GLRA2: variants seen among roughly 807,000 people sequenced by gnomAD.
GLRA2 encodes the protein glycine receptor subunit alpha-2.
In GLRA2, 11 loss-of-function variants were observed where a neutral mutation model predicts 31.6. That is an observed-to-expected ratio of 0.35 (90% CI 0.22 to 0.58). The LOEUF is 0.58. GLRA2 is among the 20% of genes least tolerant of loss of function. The probability of loss-of-function intolerance (pLI) is 0.84; values close to 1 mark genes in which losing one functional copy is unlikely to be tolerated. For missense variants in GLRA2, 212 were observed against 351.8 expected, an observed-to-expected ratio of 0.60 and a Z score of 3.18; for synonymous variants, 132 against 134.0, an observed-to-expected ratio of 0.99 and a Z score of 0.10.
intron 2 of GLRA2, among the ~76,000 whole-genome samples, chrX:14,558,823 G>A (rs1224819600): frequency 9.1e-6 from 1 of 109,397 alleles, no homozygotes; most frequent in East Asian, 2.9e-4. Context: ...GCTTTGTCTA[G>A]AATTTTTTTT....
At chrX:14,682,433 T>A (rs2091223838) in intron 7 of GLRA2, among the ~76,000 whole-genome samples, 1 of 111,763 alleles carries the variant, frequency 8.9e-6, no homozygotes, top group African/African-American at 3.3e-5. Flanking sequence ...AGTTTTATGT[T>A]CCTTATTAAT....
the GLRA2 span, among the ~76,000 whole-genome samples, chrX:14,485,892 C>G: frequency 8.9e-6 from 1 of 111,831 alleles, no homozygotes; most frequent in Non-Finnish European, 1.9e-5. Context: ...ATGATCTATC[C>G]CTATAGTGCC....
At chrX:14,586,294 C>A (rs1427331551) in intron 4 of GLRA2, among the ~76,000 whole-genome samples, 1 of 112,052 alleles carries the variant, frequency 8.9e-6, no homozygotes, top group Non-Finnish European at 1.9e-5. Flanking sequence ...TGTTAATAAA[C>A]CTTTTATCCA....
At position 14,569,520 on chromosome X, in the gene GLRA2, G is replaced by A. The variant is rs1328260449; in HGVS notation, c.203-4813G>A. Among the ~76,000 whole-genome samples, 3 of 111,806 alleles carry A rather than the reference G, an allele frequency of 2.7e-5. No homozygotes were observed. The East Asian group carries it at 8.4e-4, about 31-fold the overall frequency. On this transcript the variant is annotated intron_variant, in intron 2 of 8. Transcript: ENST00000218075. ...GTAAGTACATGAAAAGATGCTCAATGTCATTACTCATTAGGGGAATGTAAA... is the reference window on the plus strand; with the variant it reads ...GTAAGTACATGAAAAGATGCTCAATATCATTACTCATTAGGGGAATGTAAA...
chrX:14,721,186 A>G lies in GLRA2; in HGVS notation c.1081-9021A>G, dbSNP rs1347814631. Among the ~76,000 whole-genome samples the G allele has an allele frequency of 2.7e-5, 3 of 110,654 alleles. No individual in the cohort carries two copies. The Admixed American group carries it at 2.9e-4, about 11-fold the overall frequency. On this transcript the variant is annotated intron_variant, in intron 8 of 8. Coordinates refer to ENST00000218075, the MANE Select transcript of GLRA2 (RefSeq NM_002063.4). The stretch of plus-strand genomic sequence containing the variant: ...AATTTATAATCCACTTCATTAGACA[A>G]AAGCTATACTCACAAATATTTTCAA...
chrX:14,452,400 C>A, the GLRA2 span, among the ~76,000 whole-genome samples: 1 of 112,530 alleles, frequency 8.9e-6, no homozygotes, highest in African/African-American at 3.2e-5. Context: ...CTTCTCTATC[C>A]ATTTTCATTC....
chrX:14,593,020 G>A (rs752850546), intron 4 of GLRA2, among the ~76,000 whole-genome samples: 2 of 111,636 alleles, frequency 1.8e-5, no homozygotes, highest in South Asian at 3.8e-4. Flanking sequence ...TTCTGGTGAG[G>A]GTGCTCAACT....
At chrX:14,626,487 T>G (rs1188312341) in intron 7 of GLRA2, among the ~76,000 whole-genome samples, 1 of 111,981 alleles carries the variant, frequency 8.9e-6, no homozygotes, top group Non-Finnish European at 1.9e-5. Context: ...AGGAATACTT[T>G]ATAATGGTTC....
chrX:14,625,865 G>C (rs983249207), intron 7 of GLRA2, among the ~76,000 whole-genome samples: 1 of 111,519 alleles, frequency 9.0e-6, no homozygotes, highest in East Asian at 2.8e-4. Flanking sequence ...TCAACCCAAC[G>C]AAGTAGGTAC....
At chrX:14,477,677 T>C in the GLRA2 span, among the ~76,000 whole-genome samples, 609 of 111,646 alleles carry the variant, frequency 5.5e-3, 8 homozygotes, top group African/African-American at 0.019. Flanking sequence ...ACTGGCTATA[T>C]TTATTATCAC....
chrX:14,523,156 C>A, the GLRA2 span, among the ~76,000 whole-genome samples: 1 of 112,272 alleles, frequency 8.9e-6, no homozygotes, highest in African/African-American at 3.2e-5. Flanking sequence ...GTAGCTTCTA[C>A]ATCAGGACTT....
At chrX:14,552,472 T>C (rs1030404318) in intron 2 of GLRA2, among the ~76,000 whole-genome samples, 4 of 112,590 alleles carry the variant, frequency 3.6e-5, no homozygotes, top group African/African-American at 9.7e-5. Context: ...CAGAAGCTAA[T>C]GTTCAGAATC....
At chrX:14,710,148 C>A (rs1481645773) in intron 8 of GLRA2, among the ~76,000 whole-genome samples, 1 of 111,598 alleles carries the variant, frequency 9.0e-6, no homozygotes, top group Non-Finnish European at 1.9e-5. Context: ...AGGAAGACAT[C>A]GAGGGCCAGA....
rs533047688 is a variant in GLRA2, at chrX:14,713,831, A to C, written c.1081-16376A>C. Among the ~76,000 whole-genome samples the C allele has an allele frequency of 1.3e-4, 14 of 111,345 alleles. No individual in the cohort carries two copies. The East Asian group carries it at 3.7e-3, about 29-fold the overall frequency. On this transcript the variant is annotated intron_variant, in intron 8 of 8. Coordinates refer to ENST00000218075, the MANE Select transcript of GLRA2 (RefSeq NM_002063.4). ...AAAGGGGATGTTACAAGGACTTATG[A>C]GGAGAACCACTGGAGAGTTTTGAGC... is the stretch of plus-strand genomic sequence containing the variant.
chrX:14,497,404 C>A, the GLRA2 span, among the ~76,000 whole-genome samples: 2 of 112,105 alleles, frequency 1.8e-5, no homozygotes, highest in Admixed American at 1.9e-4. Context: ...ATAAGAGTAA[C>A]AGGAAGAAAA....
At chrX:14,552,543 G>T (rs1302826013) in intron 2 of GLRA2, among the ~76,000 whole-genome samples, 2 of 112,722 alleles carry the variant, frequency 1.8e-5, no homozygotes, top group South Asian at 3.7e-4. Flanking sequence ...GTCTGGTGCT[G>T]AGGCCCACAT....
the GLRA2 span, among the ~76,000 whole-genome samples, chrX:14,502,895 A>AC: frequency 9.1e-6 from 1 of 109,664 alleles, no homozygotes; most frequent in Non-Finnish European, 1.9e-5. Flanking sequence ...AAAAAAAAAA[A>AC]AAAAAACCAT....
At chrX:14,709,227 C>T (rs761859983) in intron 8 of GLRA2, among the ~76,000 whole-genome samples, 138 of 111,013 alleles carry the variant, frequency 1.2e-3, no homozygotes, top group Non-Finnish European at 1.9e-3. Flanking sequence ...GAGCAAGACC[C>T]TGTCTCTTTA....
the GLRA2 span, among the ~76,000 whole-genome samples, chrX:14,497,905 G>A: frequency 9.2e-6 from 1 of 109,275 alleles, no homozygotes; most frequent in Non-Finnish European, 1.9e-5. Context: ...TCCTGGAATA[G>A]AACAGACAGC....
Sources: allele counts gnomAD v4.1 joint callset (sites outside exome capture counted in the v4.1 genomes callset), GRCh38; gene constraint gnomAD v4.1.1; transcripts MANE v1.5; gene names NCBI Gene and HGNC (gene_info 2026-07-23, HGNC 2026-07-21).